Variants in MRAS observed in about 807,000 individuals in gnomAD.
The protein encoded by MRAS is muscle RAS oncogene homolog.
Under a neutral mutation model 20.9 loss-of-function variants are expected in MRAS, and 4 were observed. The ratio of observed to expected loss-of-function variants is 0.19; its 90% CI spans 0.09 to 0.44. The LOEUF (loss-of-function observed/expected upper bound fraction) is 0.44, where lower values mean the gene tolerates loss of function less well. Ranked by LOEUF, MRAS falls within the 20% of genes least tolerant of loss-of-function variation. MRAS has a pLI of 0.99. For synonymous variants in MRAS, 98 were observed against 102.9 expected, an observed-to-expected ratio of 0.95 and a Z score of 0.29; for missense variants, 154 against 277.5, an observed-to-expected ratio of 0.56 and a Z score of 3.16.
intron 1 of MRAS, among the ~76,000 whole-genome samples, chr3:138,355,600 C>T (rs1174975130): frequency 6.6e-6 from 1 of 152,184 alleles, no homozygotes; most frequent in East Asian, 1.9e-4. Context: ...CTGAGAATGT[C>T]TTGAAACATT....
At chr3:138,374,263 G>A (rs1419585814) in intron 2 of MRAS, among the ~76,000 whole-genome samples, 2 of 152,072 alleles carry the variant, frequency 1.3e-5, no homozygotes, top group African/African-American at 2.4e-5. Flanking sequence ...CACCACGCCT[G>A]GCTTATTTGT....
chr3:138,379,014 C>T (rs2054844057), intron 2 of MRAS, among the ~76,000 whole-genome samples: 1 of 152,120 alleles, frequency 6.6e-6, no homozygotes, highest in Admixed American at 6.6e-5. Context: ...CTCAAACATT[C>T]TTTCTTTGTA....
In MRAS at chr3:138,403,421, A is replaced by C. The variant is rs966470718; in HGVS notation, c.*1152A>C. ...CCTGAAGCCATCTTCCCTTGGAGTC[A>C]ACTGACTACCACCTCTATAAGCCTA... On this transcript the variant is annotated 3_prime_UTR_variant, in exon 6 of 6. Coordinates refer to ENST00000423968, the MANE Select transcript of MRAS (RefSeq NM_001085049.3). 2.0e-5 allele frequency: 3 copies of C among 152,320 alleles called. No individual in the cohort carries two copies. The highest frequency in any genetic ancestry group is 4.4e-5 in the Non-Finnish European group (3 of 68,062). The allele number at this position is 152,320 out of a possible 1,614,324, so 9.4% of individuals were successfully genotyped here. A position where few individuals can be genotyped will look rare whatever the true frequency, so the allele number is the denominator to read the frequency against.
intron 1 of MRAS, among the ~76,000 whole-genome samples, chr3:138,357,851 T>G (rs550231689): frequency 6.6e-6 from 1 of 152,366 alleles, no homozygotes; most frequent in East Asian, 1.9e-4. Flanking sequence ...CACCCTCCCC[T>G]TGCTTGCTCA....
intron 2 of MRAS, among the ~76,000 whole-genome samples, chr3:138,375,023 AGGCACACAC>A (rs2054754303): frequency 6.6e-6 from 1 of 152,100 alleles, no homozygotes; most frequent in Non-Finnish European, 1.5e-5. Context: ...CTAGGACTGT[AGGCACACAC>A]CACTGTGCCC....
chr3:138,354,931 C>T (rs115733997), intron 1 of MRAS, among the ~76,000 whole-genome samples: 1,736 of 152,076 alleles, frequency 0.011, 17 homozygotes, highest in Non-Finnish European at 0.019. Flanking sequence ...TAGGCATGTG[C>T]CACCATGCCC....
chr3:138,398,305 C>T (rs528338459), intron 3 of MRAS, among the ~76,000 whole-genome samples, 164 bp from the exon 4 acceptor site: 1 of 152,204 alleles, frequency 6.6e-6, no homozygotes, highest in Admixed American at 6.5e-5. Flanking sequence ...TTCCCCCAAG[C>T]CCTGACCTCT....
intron 1 of MRAS, among the ~76,000 whole-genome samples, chr3:138,370,500 C>T (rs2054652366): frequency 6.6e-6 from 1 of 152,050 alleles, no homozygotes; most frequent in South Asian, 2.1e-4. Context: ...TGCAACTCCC[C>T]TCCGCCCTCT....
chr3:138,373,617 G>A (rs923772261), intron 2 of MRAS, among the ~76,000 whole-genome samples: 2 of 152,196 alleles, frequency 1.3e-5, no homozygotes, highest in African/African-American at 4.8e-5. Flanking sequence ...TTCTGAGGGT[G>A]GGCCCAACAC....
At position 138,403,775 on chromosome 3, in the gene MRAS, T is replaced by G. The variant is rs1031410277; in HGVS notation, c.*1506T>G. The G allele has an allele frequency of 1.3e-5, 2 of 152,622 alleles. No homozygotes were observed. Among genetic ancestry groups the G allele is most frequent in the Non-Finnish European group, 2.9e-5 (2 of 68,044 alleles). The allele number at this position is 152,622 out of a possible 1,614,324, so 9.5% of individuals were successfully genotyped here. A position where few individuals can be genotyped will look rare whatever the true frequency, so the allele number is the denominator to read the frequency against. ...AGGCAGCACAGCTGGTGACCTTATT[T>G]TCTAGATGTTACAAATCAGGTCACT... On this transcript the variant is annotated 3_prime_UTR_variant, in exon 6 of 6. Transcript: ENST00000423968.
chr3:138,361,721 G>A (rs140042269), intron 1 of MRAS, among the ~76,000 whole-genome samples: 3 of 152,300 alleles, frequency 2.0e-5, no homozygotes, highest in Non-Finnish European at 4.4e-5. Context: ...GGGAGGCCAA[G>A]GGCGCTCAGT....
chr3:138,366,963 T>G (rs879689508), intron 1 of MRAS, among the ~76,000 whole-genome samples: 1 of 152,204 alleles, frequency 6.6e-6, no homozygotes, highest in Non-Finnish European at 1.5e-5. Flanking sequence ...GTGCAGTGGT[T>G]TTAGGCTATT....
intron 2 of MRAS, among the ~76,000 whole-genome samples, chr3:138,388,631 A>G (rs913460485): frequency 6.6e-6 from 1 of 152,180 alleles, no homozygotes; most frequent in South Asian, 2.1e-4. Flanking sequence ...CCCAGCAGGC[A>G]GAGGTTGCAG....
At chr3:138,356,446 A>G (rs1248396383) in intron 1 of MRAS, among the ~76,000 whole-genome samples, 2 of 152,182 alleles carry the variant, frequency 1.3e-5, no homozygotes, top group South Asian at 2.1e-4. Flanking sequence ...GATCCTTTAG[A>G]ATTTCAACGT....
At chr3:138,368,618 C>T (rs1179433398) in intron 1 of MRAS, among the ~76,000 whole-genome samples, 2 of 152,154 alleles carry the variant, frequency 1.3e-5, no homozygotes, top group East Asian at 3.9e-4. Flanking sequence ...CATCCATCAT[C>T]CTCAAAAGTG....
intron 1 of MRAS, among the ~76,000 whole-genome samples, chr3:138,364,713 AG>A (rs2054525111): frequency 6.6e-6 from 1 of 152,224 alleles, no homozygotes; most frequent in African/African-American, 2.4e-5. Context: ...CTCAGGGCGG[AG>A]GGCTACCTGC....
intron 1 of MRAS, among the ~76,000 whole-genome samples, chr3:138,366,924 T>A (rs904995684): frequency 6.6e-6 from 1 of 152,220 alleles, no homozygotes; most frequent in Non-Finnish European, 1.5e-5. Flanking sequence ...GCCATTCGTT[T>A]AACATGTGCT....
chr3:138,383,676 C>G (rs2054951580), intron 2 of MRAS, among the ~76,000 whole-genome samples: 1 of 152,200 alleles, frequency 6.6e-6, no homozygotes, highest in Non-Finnish European at 1.5e-5. Flanking sequence ...TCCTATGTAC[C>G]TGGATATGTT....
intron 2 of MRAS, among the ~76,000 whole-genome samples, chr3:138,395,441 C>T (rs535748476): frequency 6.6e-6 from 1 of 152,252 alleles, no homozygotes; most frequent in South Asian, 2.1e-4. Flanking sequence ...CCCCCACCTC[C>T]TCTCCATCCT....
Sources: allele counts gnomAD v4.1 joint callset (sites outside exome capture counted in the v4.1 genomes callset), GRCh38; gene constraint gnomAD v4.1.1; transcripts MANE v1.5; gene names NCBI Gene and HGNC (gene_info 2026-07-23, HGNC 2026-07-21).